COL6A6: variants seen among roughly 807,000 people sequenced by gnomAD.
COL6A6 encodes the protein collagen type VI alpha 6 chain, also known as collagen alpha-6(VI) chain.
COL6A6 carries 183 observed loss-of-function variants against 208.6 expected under a neutral mutation model. The observed-to-expected ratio is 0.88, with a 90% CI of 0.78 to 0.99. The LOEUF is 0.99. Ranked by LOEUF, COL6A6 falls within the 50% of genes least tolerant of loss-of-function variation. COL6A6 has a pLI of 0.00. For missense variants in COL6A6, 2,816 were observed against 2,815.2 expected, an observed-to-expected ratio of 1.00 and a Z score of -0.01; for synonymous variants, 973 against 1,011.8, an observed-to-expected ratio of 0.96 and a Z score of 0.73.
In COL6A6 at chr3:130,621,841, A is replaced by C; in HGVS notation, c.4836A>C (p.Gly1612=). The change falls in exon 24 of 37, where the codon GGA becomes GGC. Residue 1612 remains glycine, a synonymous_variant. Coordinates refer to ENST00000358511, the MANE Select transcript of COL6A6 (RefSeq NM_001102608.3). ...KGPQGPPGPG[G]EAGNQGRLGS... ...TTCAGGGGCCTCCAGGACCCGGAGG[A>C]GAGGCAGGGAATCAAGGCCGTTTGG... 1 of 1,613,846 alleles carries C rather than the reference A, an allele frequency of 6.2e-7. No individual in the cohort carries two copies.
At position 130,567,187 on chromosome 3, in the gene COL6A6, G is replaced by A; in HGVS notation, c.1768G>A (p.Val590Met). The change falls in exon 5 of 37, where the codon GTG (valine) becomes ATG (methionine). Residue 590 changes from valine (V) to methionine (M), a missense_variant. Physicochemically the swap from Val to Met is conservative, Grantham distance 21 (BLOSUM62 1). Transcript: ENST00000358511. Reference sequence around the variant, plus strand: ...AGAAATTGCAGGAGAGGAAAAGAGAGTGTATTACGTGCATGACTTTGATGC... The same window carrying A: ...AGAAATTGCAGGAGAGGAAAAGAGAATGTATTACGTGCATGACTTTGATGC... The part of the protein sequence containing the change: ...LREIAGEEKR[V>M]YYVHDFDALK... The A allele has an allele frequency of 6.5e-7, 1 of 1,549,590 alleles. No individual in the cohort carries two copies. The highest frequency in any genetic ancestry group is 8.9e-7 in the Non-Finnish European group (1 of 1,121,548).
At position 130,543,310 on chromosome 3, in the gene COL6A6, T is replaced by C. The variant is rs2062418399; in HGVS notation, c.-31-17024T>C. ...TCCACTCAGACAAACTGTCTTTTAA[T>C]TGGGGCATTTAGACCATTGACATTC... On this transcript the variant is annotated intron_variant, in intron 1 of 36. Coordinates refer to ENST00000358511, the MANE Select transcript of COL6A6 (RefSeq NM_001102608.3). Among the ~76,000 whole-genome samples the C allele has an allele frequency of 2.0e-5, 3 of 152,246 alleles. No homozygotes were observed. The South Asian group carries it at 6.2e-4, about 31-fold the overall frequency.
At position 130,565,011 on chromosome 3, in the gene COL6A6, A is replaced by T. The variant is rs200513386; in HGVS notation, c.679A>T (p.Met227Leu). ...IFVEACQGPS[M>L]ADVVFLLDMS... Reference sequence around the variant, plus strand: ...CCACACAGCTTGCCAAGGCCCTTCTATGGCCGATGTTGTGTTCCTATTGGA... The same window carrying T: ...CCACACAGCTTGCCAAGGCCCTTCTTTGGCCGATGTTGTGTTCCTATTGGA... Residue 227 changes from methionine to leucine, a missense_variant, in exon 4 of 37, where the codon ATG (methionine) becomes TTG (leucine). By Grantham distance (15) the Met-to-Leu change is conservative. Transcript: ENST00000358511. 1 of 1,613,180 alleles carries T rather than the reference A, an allele frequency of 6.2e-7. No individual in the cohort carries two copies. The highest frequency in any genetic ancestry group is 8.5e-7 in the Non-Finnish European group (1 of 1,179,326).
rs746783819 is a variant in COL6A6, at chr3:130,599,776, G to GC, written c.4626dup (p.Gly1543ArgfsTer33). ...TGACAGGGCAGAAGAGGCTGGCCAG[G>GC]CCCCCCCGGGACACCAGGCTCCAGA... On this transcript the variant is annotated frameshift_variant, in exon 20 of 37. Transcript: ENST00000358511. LOFTEE classifies it high-confidence loss of function. 67 of 1,612,894 alleles carry GC rather than the reference G, an allele frequency of 4.2e-5. No homozygotes were observed. In the South Asian group the frequency reaches 4.9e-4, roughly 12 times the overall value.
At chr3:130,518,956 C>T (rs983391957) in intron 1 of COL6A6, among the ~76,000 whole-genome samples, 7 of 152,248 alleles carry the variant, frequency 4.6e-5, no homozygotes, top group East Asian at 1.9e-4. Flanking sequence ...GGAGAATCAT[C>T]TTTGGCTTTT....
intron 21 of COL6A6, among the ~76,000 whole-genome samples, chr3:130,607,902 A>G (rs1214013711): frequency 6.6e-6 from 1 of 152,188 alleles, no homozygotes; most frequent in Non-Finnish European, 1.5e-5. Context: ...ACAGAATTTT[A>G]TTTCTTATAG....
At chr3:130,576,279 C>T (rs1417610006) in intron 8 of COL6A6, among the ~76,000 whole-genome samples, 1 of 152,242 alleles carries the variant, frequency 6.6e-6, no homozygotes. Context: ...CACCCACTCT[C>T]CTTGCGTATA....
Position 130,577,308 on chromosome 3 carries a change from G to A in COL6A6, c.3547+2783G>A, listed in dbSNP as rs559201128. ...TGAAACCTAGGGTTGTCTGACCCCC[G>A]TCTGTTCCTCTCACCACCCCCATCC... is the stretch of plus-strand genomic sequence containing the variant. On this transcript the variant is annotated intron_variant, in intron 8 of 36. Coordinates refer to ENST00000358511, the MANE Select transcript of COL6A6 (RefSeq NM_001102608.3). Among the ~76,000 whole-genome samples, 35 of 152,198 alleles carry A rather than the reference G, an allele frequency of 2.3e-4. No homozygotes were observed. The South Asian group carries it at 6.2e-3, about 27-fold the overall frequency.
At chr3:130,561,470 A>T (rs560398893) in intron 2 of COL6A6, among the ~76,000 whole-genome samples, 1 of 152,374 alleles carries the variant, frequency 6.6e-6, no homozygotes, top group Admixed American at 6.5e-5. Flanking sequence ...TGGCCATAAA[A>T]GGAATGAAAT....
chr3:130,590,262 TATATATATATATATATATATATATATATA>T (rs1560034287), intron 12 of COL6A6, among the ~76,000 whole-genome samples: 2 of 13,382 alleles, frequency 1.5e-4, no homozygotes, highest in East Asian at 3.2e-3. Flanking sequence ...TTCATATATA[TATATATATATATATATATATATATATATA>T]TATATATATT....
chr3:130,603,330 A>C (rs994009233), intron 20 of COL6A6, among the ~76,000 whole-genome samples: 3 of 152,204 alleles, frequency 2.0e-5, no homozygotes, highest in African/African-American at 7.2e-5. Context: ...AAATGTCTCC[A>C]GATATTGCTA....
At chr3:130,603,232 T>A (rs2064077988) in intron 20 of COL6A6, among the ~76,000 whole-genome samples, 1 of 152,256 alleles carries the variant, frequency 6.6e-6, no homozygotes, top group Non-Finnish European at 1.5e-5. Context: ...TCAGCATTAT[T>A]GGCATTTGGG....
chr3:130,577,152 A>G lies in COL6A6; in HGVS notation c.3547+2627A>G, dbSNP rs189159260. On this transcript the variant is annotated intron_variant, in intron 8 of 36. Coordinates refer to ENST00000358511, the MANE Select transcript of COL6A6 (RefSeq NM_001102608.3). ...GTGTTCTAAGCACTTTAAATGTACT[A>G]TCTCACTCAATTCTCCCAACATCTT... is the stretch of plus-strand genomic sequence containing the variant. Among the ~76,000 whole-genome samples the G allele has an allele frequency of 6.3e-4, 96 of 152,290 alleles. 1 individual carries two copies. The East Asian group carries it at 0.015, about 24-fold the overall frequency.
chr3:130,589,102 G>A lies in COL6A6; in HGVS notation c.4138G>A (p.Glu1380Lys). The stretch of plus-strand genomic sequence containing the variant: ...ACCCTCTCCCAAGGTCAATGTTGCT[G>A]AAAGGACATGCTGCTGTTTGTTCTG... ...RLSKQLVNVA[E>K]RTCCCLFCKC... The change falls in exon 12 of 37, where the codon GAA becomes AAA. Residue 1380 changes from glutamate (E) to lysine (K), a missense_variant. By Grantham distance (56) the Glu-to-Lys change is moderately conservative. Coordinates refer to ENST00000358511, the MANE Select transcript of COL6A6 (RefSeq NM_001102608.3). 6.2e-7 allele frequency: 1 copy of A among 1,613,776 alleles called. No homozygotes were observed. The highest frequency in any genetic ancestry group is 8.5e-7 in the Non-Finnish European group (1 of 1,179,726).
At chr3:130,636,399 T>A (rs941550626) in intron 28 of COL6A6, among the ~76,000 whole-genome samples, 3 of 152,216 alleles carry the variant, frequency 2.0e-5, no homozygotes, top group South Asian at 2.1e-4. Context: ...ATTTGCTGAC[T>A]CTCTATATAT....
chr3:130,556,024 C>T (rs1441794099), intron 1 of COL6A6, among the ~76,000 whole-genome samples: 1 of 152,118 alleles, frequency 6.6e-6, no homozygotes, highest in Non-Finnish European at 1.5e-5. Context: ...TCTCATCCCT[C>T]ACTCCCCTGC....
intron 20 of COL6A6, among the ~76,000 whole-genome samples, chr3:130,605,589 A>T (rs1378498100): frequency 6.6e-6 from 1 of 152,200 alleles, no homozygotes; most frequent in Non-Finnish European, 1.5e-5. Context: ...CTCTGATAGA[A>T]GATTTAGGGT....
intron 22 of COL6A6, 58 bp downstream of exon 22, chr3:130,609,022 A>G: frequency 7.7e-7 from 1 of 1,297,456 alleles, no homozygotes; most frequent in Non-Finnish European, 1.1e-6. Context: ...GGAATGGAAA[A>G]ATCTGAGGAC....
chr3:130,645,025 A>C, intron 32 of COL6A6, 23 bp downstream of exon 32: 1 of 1,608,082 alleles, frequency 6.2e-7, no homozygotes, highest in Non-Finnish European at 8.5e-7. Context: ...TATTTACAGC[A>C]TGCTTTAATC....
Sources: gnomAD v4.1 joint callset for allele counts (sites outside exome capture counted in the v4.1 genomes callset) on GRCh38, gnomAD v4.1.1 for gene constraint, MANE v1.5 for transcripts, NCBI Gene and HGNC (gene_info 2026-07-23, HGNC 2026-07-21) for gene names.